The following SIPA1L1 variants were observed in gnomAD, a reference collection of about 807,000 sequenced individuals.
SIPA1L1 encodes signal induced proliferation associated 1 like 1, also known as signal-induced proliferation-associated 1-like protein 1.
A neutral mutation model predicts 162.7 loss-of-function variants in SIPA1L1; 26 were observed. The observed-to-expected ratio is 0.16, with a 90% confidence interval of 0.12 to 0.22. The LOEUF (loss-of-function observed/expected upper bound fraction) is 0.22, where lower values mean the gene tolerates loss of function less well. SIPA1L1 is among the 10% of genes least tolerant of loss of function. The pLI is 1.00. For synonymous variants in SIPA1L1, 829 were observed against 837.4 expected (o/e 0.99, Z 0.17); for missense variants, 1,874 against 2,241.0 (o/e 0.84, Z 3.31).
rs369294647 is a variant in SIPA1L1, at chr14:71,511,487, C to T, written c.-464-1256C>T. On this transcript the variant is annotated intron_variant, in intron 2 of 23. Transcript: ENST00000381232. ...TTTTTTTTGCAGAGTTGGGGTCTCA[C>T]TTTGTTGCCCAGGCTGATCTTGAAC... is the stretch of plus-strand genomic sequence containing the variant. Among the ~76,000 whole-genome samples, 30 of 151,960 alleles carry T rather than the reference C, an allele frequency of 2.0e-4. No homozygotes were observed. The South Asian group carries it at 6.2e-3, about 32-fold the overall frequency.
intron 2 of SIPA1L1, among the ~76,000 whole-genome samples, chr14:71,451,100 A>G (rs1015943911): frequency 6.6e-6 from 1 of 152,230 alleles, no homozygotes; most frequent in Non-Finnish European, 1.5e-5. Context: ...TTTCATTTAC[A>G]ATAACATGGA....
chr14:71,411,158 CCTT>C (rs1383379414), intron 2 of SIPA1L1, among the ~76,000 whole-genome samples: 1 of 151,766 alleles, frequency 6.6e-6, no homozygotes, highest in Non-Finnish European at 1.5e-5. Flanking sequence ...GTGTAGGTGG[CCTT>C]CTCCTGATTG....
At chr14:71,333,178 G>T (rs2034744292) in intron 2 of SIPA1L1, among the ~76,000 whole-genome samples, 1 of 152,196 alleles carries the variant, frequency 6.6e-6, no homozygotes. Flanking sequence ...GGTATAATGT[G>T]TGTGTAGGAG....
intron 2 of SIPA1L1, among the ~76,000 whole-genome samples, chr14:71,443,816 C>G (rs1198759482): frequency 6.6e-6 from 1 of 152,238 alleles, no homozygotes; most frequent in African/African-American, 2.4e-5. Context: ...CTAGGGACAA[C>G]TTCTGTTACA....
At chr14:71,662,798 G>C (rs534568480) in intron 10 of SIPA1L1, among the ~76,000 whole-genome samples, 1 of 152,318 alleles carries the variant, frequency 6.6e-6, no homozygotes, top group East Asian at 1.9e-4. Context: ...TCAAGGAAAT[G>C]GTGTCTGAGA....
intron 4 of SIPA1L1, among the ~76,000 whole-genome samples, chr14:71,579,428 C>G (rs982213642): frequency 1.3e-5 from 2 of 151,958 alleles, no homozygotes; most frequent in Non-Finnish European, 2.9e-5. Flanking sequence ...GTTCAAGGGT[C>G]AGCTGTACTC....
chr14:71,666,868 TAAAAAAAAAAAAA>T (rs960598363), intron 10 of SIPA1L1, among the ~76,000 whole-genome samples: 1 of 78,192 alleles, frequency 1.3e-5, no homozygotes, highest in Non-Finnish European at 2.6e-5. Flanking sequence ...TTCCTCTCTG[TAAAAAAAAAAAAA>T]AAAAAAAAAG....
chr14:71,486,869 A>C (rs1339022988), intron 2 of SIPA1L1, among the ~76,000 whole-genome samples: 1 of 152,212 alleles, frequency 6.6e-6, no homozygotes, highest in African/African-American at 2.4e-5. Flanking sequence ...ACGTGCTACA[A>C]ATTAATAAAT....
intron 2 of SIPA1L1, among the ~76,000 whole-genome samples, chr14:71,367,119 TTGTG>T (rs1470659667): frequency 6.6e-6 from 1 of 152,140 alleles, no homozygotes; most frequent in Non-Finnish European, 1.5e-5. Context: ...TAGTAATACT[TTGTG>T]TGTTTGTGCC....
At chr14:71,445,300 G>A (rs966991128) in intron 2 of SIPA1L1, among the ~76,000 whole-genome samples, 2 of 152,198 alleles carry the variant, frequency 1.3e-5, no homozygotes, top group Non-Finnish European at 2.9e-5. Context: ...CTTGGTGAGA[G>A]AGTAGGATTA....
chr14:71,357,460 G>C (rs888694391), intron 2 of SIPA1L1, among the ~76,000 whole-genome samples: 3 of 152,260 alleles, frequency 2.0e-5, no homozygotes, highest in Admixed American at 2.0e-4. Context: ...GAAAGCACAG[G>C]TTTCTCCACA....
chr14:71,652,637 T>C (rs1437699733), intron 8 of SIPA1L1, among the ~76,000 whole-genome samples: 3 of 151,634 alleles, frequency 2.0e-5, no homozygotes, highest in Non-Finnish European at 4.4e-5. Flanking sequence ...CTTTTTTTTT[T>C]CCCCCTAACC....
At chr14:71,715,056 G>A (rs1429582391) in intron 17 of SIPA1L1, among the ~76,000 whole-genome samples, 1 of 152,350 alleles carries the variant, frequency 6.6e-6, no homozygotes, top group Non-Finnish European at 1.5e-5. Flanking sequence ...CTGAGAACAT[G>A]TGTTGGCCCT....
At chr14:71,324,781 G>A (rs554696604) in intron 2 of SIPA1L1, among the ~76,000 whole-genome samples, 2 of 152,142 alleles carry the variant, frequency 1.3e-5, no homozygotes, top group African/African-American at 4.8e-5. Context: ...AAGAAATTAG[G>A]TGTACCATCC....
At chr14:71,585,384 C>G (rs547313144) in intron 4 of SIPA1L1, among the ~76,000 whole-genome samples, 3 of 152,018 alleles carry the variant, frequency 2.0e-5, no homozygotes, top group Admixed American at 6.5e-5. Context: ...CTTGAAATTT[C>G]TTTTGAATTG....
chr14:71,517,806 TTGTA>T (rs2051895587), intron 3 of SIPA1L1, among the ~76,000 whole-genome samples: 1 of 152,228 alleles, frequency 6.6e-6, no homozygotes, highest in African/African-American at 2.4e-5. Flanking sequence ...GAAGGACTTT[TTGTA>T]TTTTGTAACT....
chr14:71,606,887 A>AT (rs2037584415), intron 5 of SIPA1L1, among the ~76,000 whole-genome samples: 2 of 152,208 alleles, frequency 1.3e-5, no homozygotes, highest in African/African-American at 4.8e-5. Flanking sequence ...AGGAGTCCAG[A>AT]TAAAAAGTTA....
intron 2 of SIPA1L1, among the ~76,000 whole-genome samples, chr14:71,498,676 G>A (rs545399657): frequency 2.0e-5 from 3 of 152,188 alleles, no homozygotes; most frequent in South Asian, 2.1e-4. Flanking sequence ...TTATATGGAT[G>A]CTGTTGAACA....
In SIPA1L1 at chr14:71,397,514, GAAT is replaced by G. The variant is rs796513745; in HGVS notation, c.-465+76337_-465+76339del. 7.1e-4 allele frequency among the ~76,000 whole-genome samples: 107 copies of G among 151,608 alleles called. 1 individual carries two copies. The highest frequency in any genetic ancestry group is 2.5e-3 in the African/African-American group (105 of 41,302). ...TGAAATTTTTTGGGGGGTGGGTGGG[GAAT>G]AATGTGTGTGTGTGTGCACACATAC... On this transcript the variant is annotated intron_variant, in intron 2 of 23. Coordinates refer to ENST00000381232, the MANE Select transcript of SIPA1L1 (RefSeq NM_001386936.1).
Sources: gnomAD v4.1 joint callset for allele counts (sites outside exome capture counted in the v4.1 genomes callset) on GRCh38, gnomAD v4.1.1 for gene constraint, MANE v1.5 for transcripts, NCBI Gene and HGNC (gene_info 2026-07-23, HGNC 2026-07-21) for gene names.